The following TNFSF4 variants were observed in gnomAD, a reference collection of about 807,000 sequenced individuals.
TNFSF4 encodes the protein tumor necrosis factor ligand superfamily member 4.
TNFSF4 carries 4 observed loss-of-function variants against 7.3 expected under a neutral mutation model. The ratio of observed to expected loss-of-function variants is 0.55; its 90% CI spans 0.27 to 1.25. The LOEUF is 1.25. Among genes scored for constraint, TNFSF4 ranks in the 50% most tolerant of loss-of-function variants. TNFSF4 has a pLI of 0.12. For synonymous variants in TNFSF4, 76 were observed against 83.7 expected (o/e 0.91, Z 0.50); for missense variants, 181 against 208.8 (o/e 0.87, Z 0.82).
the TNFSF4 span, among the ~76,000 whole-genome samples, chr1:173,306,726 C>T: frequency 1.3e-5 from 2 of 151,898 alleles, no homozygotes; most frequent in Non-Finnish European, 2.9e-5. Flanking sequence ...GGGCTCAGTC[C>T]TCTTTAGTGG....
the TNFSF4 span, among the ~76,000 whole-genome samples, chr1:173,177,123 TAA>T: frequency 6.6e-6 from 1 of 152,116 alleles, no homozygotes; most frequent in African/African-American, 2.4e-5. Context: ...GAACCTAAAA[TAA>T]AAGTTTTAAA....
chr1:173,173,461 G>A, the TNFSF4 span, among the ~76,000 whole-genome samples: 832 of 152,302 alleles, frequency 5.5e-3, 7 homozygotes, highest in Non-Finnish European at 8.7e-3. Context: ...AAACAAAGGG[G>A]CTACAGTCTC....
At chr1:173,228,277 C>T in the TNFSF4 span, among the ~76,000 whole-genome samples, 5 of 152,210 alleles carry the variant, frequency 3.3e-5, no homozygotes, top group South Asian at 2.1e-4. Context: ...CAGCAATATT[C>T]GCTGTTCTGC....
chr1:173,322,722 G>A, the TNFSF4 span, among the ~76,000 whole-genome samples: 6 of 152,132 alleles, frequency 3.9e-5, no homozygotes, highest in African/African-American at 1.4e-4. Context: ...TTATCAAACG[G>A]CACACCAGGA....
the TNFSF4 span, among the ~76,000 whole-genome samples, chr1:173,390,094 C>A: frequency 1.4e-4 from 22 of 152,034 alleles, no homozygotes; most frequent in African/African-American, 4.8e-4. Context: ...ATGGTAATTT[C>A]TTGGTTTGGA....
chr1:173,323,065 T>G, the TNFSF4 span, among the ~76,000 whole-genome samples: 1 of 152,170 alleles, frequency 6.6e-6, no homozygotes, highest in Non-Finnish European at 1.5e-5. Context: ...CAGCTTGAGA[T>G]CTGAGAATGG....
the TNFSF4 span, among the ~76,000 whole-genome samples, chr1:173,431,583 C>T: frequency 2.6e-5 from 4 of 152,220 alleles, no homozygotes; most frequent in Non-Finnish European, 4.4e-5. Flanking sequence ...GAGCTTTCTC[C>T]CCCAGGGGAA....
the TNFSF4 span, among the ~76,000 whole-genome samples, chr1:173,377,928 T>C: frequency 2.0e-5 from 3 of 152,212 alleles, no homozygotes; most frequent in Non-Finnish European, 2.9e-5. Context: ...TTTGGGGGCA[T>C]AACATCTTTA....
At chr1:173,237,143 T>C in the TNFSF4 span, among the ~76,000 whole-genome samples, 8 of 152,302 alleles carry the variant, frequency 5.3e-5, no homozygotes, top group South Asian at 2.1e-4. Context: ...CTCCTTTGCT[T>C]TCCACCATGA....
At chr1:173,356,495 A>C in the TNFSF4 span, among the ~76,000 whole-genome samples, 1 of 152,200 alleles carries the variant, frequency 6.6e-6, no homozygotes, top group African/African-American at 2.4e-5. Flanking sequence ...CACGTATCAC[A>C]AGACAGTGTG....
chr1:173,310,188 T>C, the TNFSF4 span, among the ~76,000 whole-genome samples: 1 of 151,950 alleles, frequency 6.6e-6, no homozygotes, highest in African/African-American at 2.4e-5. Context: ...CTACTTTCTT[T>C]AGCTTAAATT....
At chr1:173,424,218 A>G in the TNFSF4 span, among the ~76,000 whole-genome samples, 4 of 152,248 alleles carry the variant, frequency 2.6e-5, no homozygotes, top group African/African-American at 9.6e-5. Context: ...AGGCAATTCT[A>G]GACAAAGTAT....
At chr1:173,348,108 A>G in the TNFSF4 span, among the ~76,000 whole-genome samples, 1 of 152,240 alleles carries the variant, frequency 6.6e-6, no homozygotes, top group Non-Finnish European at 1.5e-5. Context: ...AAGAAGATCA[A>G]TAATCTAAGT....
chr1:173,395,375 A>G, the TNFSF4 span, among the ~76,000 whole-genome samples: 1 of 56,014 alleles, frequency 1.8e-5, no homozygotes, highest in Non-Finnish European at 3.3e-5. Context: ...GACTGTGTAT[A>G]TAATATATAT....
chr1:173,445,783 G>A, the TNFSF4 span, among the ~76,000 whole-genome samples: 3 of 152,276 alleles, frequency 2.0e-5, no homozygotes, highest in East Asian at 5.8e-4. Context: ...GGAGATAAGA[G>A]ATTAGAGAAA....
At chr1:173,311,587 G>A in the TNFSF4 span, among the ~76,000 whole-genome samples, 2 of 152,042 alleles carry the variant, frequency 1.3e-5, no homozygotes, top group South Asian at 4.1e-4. Context: ...GTGGAACTGG[G>A]AAGCCACCCT....
chr1:173,307,909 C>G, the TNFSF4 span, among the ~76,000 whole-genome samples: 3 of 151,690 alleles, frequency 2.0e-5, no homozygotes, highest in African/African-American at 7.3e-5. Flanking sequence ...TTTTTACAAC[C>G]CTCAAAATTA....
chr1:173,320,235 A>C, the TNFSF4 span, among the ~76,000 whole-genome samples: 1 of 152,218 alleles, frequency 6.6e-6, no homozygotes, highest in Non-Finnish European at 1.5e-5. Flanking sequence ...CAAAAACCAC[A>C]TGAGAATCTC....
At chr1:173,412,067 G>C in the TNFSF4 span, among the ~76,000 whole-genome samples, 1 of 145,754 alleles carries the variant, frequency 6.9e-6, no homozygotes, top group Non-Finnish European at 1.5e-5. Context: ...AGTGAGCTGA[G>C]ATTGCGCCAT....
Sources: allele counts gnomAD v4.1 joint callset (sites outside exome capture counted in the v4.1 genomes callset), GRCh38; gene constraint gnomAD v4.1.1; transcripts MANE v1.5; gene names NCBI Gene and HGNC (gene_info 2026-07-23, HGNC 2026-07-21).